MYRIP: variants seen among roughly 807,000 people sequenced by gnomAD.
The protein encoded by MYRIP is rab effector MyRIP.
Under a neutral mutation model 98.0 loss-of-function variants are expected in MYRIP, and 49 were observed. That is an observed-to-expected ratio of 0.50 (90% confidence interval 0.40 to 0.63). The LOEUF (loss-of-function observed/expected upper bound fraction) is 0.63. Among genes scored for constraint, MYRIP ranks in the 30% least tolerant of loss-of-function variants. The pLI is 0.00. For missense variants in MYRIP, 1,004 were observed against 1,058.2 expected, an observed-to-expected ratio of 0.95 and a Z score of 0.71; for synonymous variants, 404 against 409.5, an observed-to-expected ratio of 0.99 and a Z score of 0.16.
At chr3:40,170,385 A>T (rs980621194) in intron 8 of MYRIP, among the ~76,000 whole-genome samples, 4 of 152,208 alleles carry the variant, frequency 2.6e-5, no homozygotes, top group Non-Finnish European at 5.9e-5. Context: ...GAAAAGAATT[A>T]TACTGAGTCC....
intron 2 of MYRIP, among the ~76,000 whole-genome samples, chr3:39,937,620 G>A (rs1944684805): frequency 6.6e-6 from 1 of 152,202 alleles, no homozygotes; most frequent in South Asian, 2.1e-4. Flanking sequence ...TAAGAAGGGA[G>A]CTTATGAAAG....
Position 40,159,170 on chromosome 3 carries a change from G to A in MYRIP, c.470-3560G>A, listed in dbSNP as rs566378962. ...TCCATGTTTAGTGCTTCCTTCAGGA[G>A]CTCTTTTAGGGCAGGCCTGGTGGTG... On this transcript the variant is annotated intron_variant, in intron 4 of 16. Coordinates refer to ENST00000302541, the MANE Select transcript of MYRIP (RefSeq NM_015460.4). 3.5e-3 allele frequency among the ~76,000 whole-genome samples: 530 copies of A among 152,064 alleles called. 4 individuals are homozygous for A. The highest frequency in any genetic ancestry group is 0.012 in the African/African-American group (507 of 41,468).
Position 40,071,713 on chromosome 3 carries a change from T to C in MYRIP, c.332+27442T>C, listed in dbSNP as rs150131363. ...GGGAGGTTGGGGTGGAGAGATGAGGTACTCCCACTTGGTGCCTCATTTTCT... is the reference window on the plus strand; with the variant it reads ...GGGAGGTTGGGGTGGAGAGATGAGGCACTCCCACTTGGTGCCTCATTTTCT... On this transcript the variant is annotated intron_variant, in intron 3 of 16. Coordinates refer to ENST00000302541, the MANE Select transcript of MYRIP (RefSeq NM_015460.4). Among the ~76,000 whole-genome samples the C allele has an allele frequency of 2.6e-5, 4 of 151,360 alleles. No individual in the cohort carries two copies. In the East Asian group the frequency reaches 5.9e-4, roughly 22 times the overall value.
intron 11 of MYRIP, among the ~76,000 whole-genome samples, chr3:40,221,410 C>T (rs563821618): frequency 2.1e-4 from 32 of 152,262 alleles, no homozygotes; most frequent in African/African-American, 5.8e-4. Flanking sequence ...GCAAGCATAT[C>T]GCTTGGGCCC....
intron 4 of MYRIP, among the ~76,000 whole-genome samples, chr3:40,157,878 T>G (rs1016220274): frequency 2.6e-5 from 4 of 152,078 alleles, no homozygotes; most frequent in African/African-American, 9.7e-5. Flanking sequence ...TATTTGATTC[T>G]TCTCTCTCTT....
At chr3:40,240,948 G>A (rs550674957) in intron 12 of MYRIP, among the ~76,000 whole-genome samples, 2 of 152,302 alleles carry the variant, frequency 1.3e-5, no homozygotes, top group East Asian at 3.9e-4. Context: ...GCCCTAGACA[G>A]TGGTATCTCC....
intron 2 of MYRIP, among the ~76,000 whole-genome samples, chr3:39,988,689 C>T (rs1409780345): frequency 6.6e-6 from 1 of 151,828 alleles, no homozygotes; most frequent in Admixed American, 6.6e-5. Flanking sequence ...TCCCATATTT[C>T]TCGGAGGTTT....
intron 10 of MYRIP, among the ~76,000 whole-genome samples, chr3:40,195,415 C>T (rs1169192361): frequency 6.6e-6 from 1 of 152,164 alleles, no homozygotes; most frequent in Admixed American, 6.5e-5. Flanking sequence ...GCCTCAGCTT[C>T]CCAAGTAGCT....
chr3:39,998,710 G>A (rs987287535), intron 2 of MYRIP, among the ~76,000 whole-genome samples: 8 of 152,038 alleles, frequency 5.3e-5, no homozygotes, highest in South Asian at 2.1e-4. Flanking sequence ...AAAAGAGCCC[G>A]CATTGCCAAG....
At chr3:40,018,257 C>T (rs943952287) in intron 2 of MYRIP, among the ~76,000 whole-genome samples, 3 of 152,196 alleles carry the variant, frequency 2.0e-5, no homozygotes, top group African/African-American at 4.8e-5. Context: ...TCAATATCTT[C>T]TCTTTGCTCT....
chr3:40,041,046 A>AAAAAAAAAAAAAAT (rs1175581743), intron 2 of MYRIP, among the ~76,000 whole-genome samples: 1 of 146,788 alleles, frequency 6.8e-6, no homozygotes, highest in Non-Finnish European at 1.5e-5. Context: ...AAAAAAATCA[A>AAAAAAAAAAAAAAT]AGCAATGGCT....
chr3:40,201,293 T>C (rs1226405743), intron 10 of MYRIP, among the ~76,000 whole-genome samples: 2 of 152,168 alleles, frequency 1.3e-5, no homozygotes, highest in African/African-American at 4.8e-5. Context: ...AATAGCATAG[T>C]CTAATTCCAT....
intron 10 of MYRIP, among the ~76,000 whole-genome samples, chr3:40,193,513 A>C (rs1951302512): frequency 6.6e-6 from 1 of 152,192 alleles, no homozygotes; most frequent in Non-Finnish European, 1.5e-5. Flanking sequence ...AGACTTTTTC[A>C]ATGTTTTGAT....
At chr3:40,009,237 CT>C (rs553315704) in intron 2 of MYRIP, among the ~76,000 whole-genome samples, 1,604 of 139,196 alleles carry the variant, frequency 0.012, 14 homozygotes, top group African/African-American at 0.033. Flanking sequence ...ACTGCTACTT[CT>C]TTTTTTTTTT....
chr3:40,176,646 G>A (rs370795210), intron 8 of MYRIP, among the ~76,000 whole-genome samples: 5 of 152,040 alleles, frequency 3.3e-5, no homozygotes, highest in East Asian at 1.9e-4. Context: ...AGGTGCTCAC[G>A]CCTGTAATCG....
intron 4 of MYRIP, among the ~76,000 whole-genome samples, chr3:40,158,236 C>T: frequency 6.6e-6 from 1 of 152,066 alleles, no homozygotes; most frequent in Non-Finnish European, 1.5e-5. Context: ...TTTATTTCTG[C>T]CTTTATTTCG....
intron 1 of MYRIP, among the ~76,000 whole-genome samples, chr3:39,894,789 A>C (rs903231445): frequency 1.3e-5 from 2 of 152,222 alleles, no homozygotes; most frequent in Non-Finnish European, 2.9e-5. Flanking sequence ...ATCCTGGTAC[A>C]TAAGTCTTTG....
intron 1 of MYRIP, among the ~76,000 whole-genome samples, chr3:39,840,959 G>A (rs1433012020): frequency 6.6e-6 from 1 of 152,106 alleles, no homozygotes; most frequent in Non-Finnish European, 1.5e-5. Context: ...TCTTCTCAAG[G>A]AGTATCTTTG....
chr3:39,866,147 G>A (rs1351162787), intron 1 of MYRIP, among the ~76,000 whole-genome samples: 1 of 151,964 alleles, frequency 6.6e-6, no homozygotes, highest in African/African-American at 2.4e-5. Flanking sequence ...CACAAAGATG[G>A]GAATAACAGA....
Sources: allele counts gnomAD v4.1 joint callset (sites outside exome capture counted in the v4.1 genomes callset), GRCh38; gene constraint gnomAD v4.1.1; transcripts MANE v1.5; gene names NCBI Gene and HGNC (gene_info 2026-07-23, HGNC 2026-07-21).